The following PIAS1 variants were observed in gnomAD, a reference collection of about 807,000 sequenced individuals.
PIAS1 encodes the protein protein inhibitor of activated STAT 1.
PIAS1 carries 6 observed loss-of-function variants against 71.3 expected under a neutral mutation model. That is an observed-to-expected ratio of 0.08 (90% CI 0.05 to 0.17). PIAS1 has a LOEUF of 0.17. Among genes scored for constraint, PIAS1 ranks in the 10% least tolerant of loss-of-function variants. PIAS1 has a pLI of 1.00. For synonymous variants in PIAS1, 303 were observed against 292.9 expected (o/e 1.03, Z -0.35); for missense variants, 555 against 793.6 (o/e 0.70, Z 3.61).
chr15:68,132,872 A>C (rs1440894831), intron 2 of PIAS1, among the ~76,000 whole-genome samples: 1 of 152,176 alleles, frequency 6.6e-6, no homozygotes, highest in Non-Finnish European at 1.5e-5. Flanking sequence ...AAACGTAAAA[A>C]TTAACTAGAA....
chr15:68,067,590 A>C (rs146170204), intron 1 of PIAS1, among the ~76,000 whole-genome samples: 3 of 152,122 alleles, frequency 2.0e-5, no homozygotes, highest in Non-Finnish European at 4.4e-5. Context: ...TGAAGCTTAT[A>C]ATACAAACTA....
At chr15:68,060,213 CAT>C (rs2091942765) in intron 1 of PIAS1, among the ~76,000 whole-genome samples, 1 of 152,064 alleles carries the variant, frequency 6.6e-6, no homozygotes, top group Admixed American at 6.5e-5. Context: ...ACAGTGACCA[CAT>C]ATTGCAAGTT....
At position 68,171,258 on chromosome 15, in the gene PIAS1, GGAGCT is replaced by G. The variant is rs1195160210; in HGVS notation, c.1009-2472_1009-2468del. Among the ~76,000 whole-genome samples the G allele has an allele frequency of 1.3e-5, 2 of 152,100 alleles. No individual in the cohort carries two copies. Among genetic ancestry groups the G allele is most frequent in the Non-Finnish European group, 2.9e-5 (2 of 68,020 alleles). On this transcript the variant is annotated intron_variant, in intron 8 of 13. Coordinates refer to ENST00000249636, the MANE Select transcript of PIAS1 (RefSeq NM_016166.3). The surrounding 1 kb of genome is among the most constrained non-coding windows in gnomAD (Gnocchi z 4.4). ...CGTCTTCAGTGGCAGTAACAGACAT[GGAGCT>G]GTTCTCTCTTATGGTAACAGTGCCT...
At chr15:68,137,362 A>G (rs993969058) in intron 2 of PIAS1, among the ~76,000 whole-genome samples, 2 of 152,230 alleles carry the variant, frequency 1.3e-5, no homozygotes, top group Admixed American at 6.5e-5. Context: ...AGAGACTGCA[A>G]TTGAAAATGT....
chr15:68,113,546 A>C (rs755232967), intron 2 of PIAS1, among the ~76,000 whole-genome samples: 1 of 152,170 alleles, frequency 6.6e-6, no homozygotes, highest in Admixed American at 6.6e-5. Flanking sequence ...TAGATGAGCC[A>C]GATAAAGTGT....
chr15:68,168,995 G>A (rs1312828987), intron 8 of PIAS1, among the ~76,000 whole-genome samples: 1 of 152,164 alleles, frequency 6.6e-6, no homozygotes, highest in East Asian at 1.9e-4. Context: ...AAATTTCATG[G>A]CCTGTAGCTT....
chr15:68,078,152 G>A (rs569028907), intron 1 of PIAS1, among the ~76,000 whole-genome samples: 21 of 152,220 alleles, frequency 1.4e-4, no homozygotes, highest in African/African-American at 5.1e-4. Flanking sequence ...GCCCTACTTA[G>A]TATTTTTAAA....
intron 11 of PIAS1, 147 bp downstream of exon 11, chr15:68,176,801 A>G: frequency 1.6e-6 from 1 of 636,316 alleles, no homozygotes; most frequent in Non-Finnish European, 2.6e-6. Context: ...CAGGTTTGTA[A>G]TACTCTGGAG....
intron 2 of PIAS1, among the ~76,000 whole-genome samples, chr15:68,088,178 A>ATG (rs1007626380): frequency 2.7e-4 from 23 of 85,794 alleles, no homozygotes; most frequent in African/African-American, 1.0e-3. Flanking sequence ...ATGTGTGTGT[A>ATG]TATATATATA....
At chr15:68,072,140 T>C (rs1228855363) in intron 1 of PIAS1, among the ~76,000 whole-genome samples, 1 of 151,662 alleles carries the variant, frequency 6.6e-6, no homozygotes, top group Non-Finnish European at 1.5e-5. Flanking sequence ...GGTTCATGCC[T>C]GTAATCCCAG....
At chr15:68,144,385 C>G (rs2092793506) in intron 4 of PIAS1, among the ~76,000 whole-genome samples, 1 of 152,084 alleles carries the variant, frequency 6.6e-6, no homozygotes, top group East Asian at 1.9e-4. Context: ...TTGTGCCTCC[C>G]TGCTCCACTC....
intron 1 of PIAS1, among the ~76,000 whole-genome samples, chr15:68,056,621 CTG>C (rs1361099482): frequency 1.3e-5 from 2 of 151,600 alleles, no homozygotes; most frequent in African/African-American, 4.9e-5. Flanking sequence ...CTTTGAGGAG[CTG>C]TGTGATAAAT....
chr15:68,089,921 C>G (rs912576211), intron 2 of PIAS1, among the ~76,000 whole-genome samples: 6 of 151,638 alleles, frequency 4.0e-5, no homozygotes, highest in Non-Finnish European at 2.9e-5. Context: ...GCTCTGTTGC[C>G]CAGGCTGGAG....
At chr15:68,060,844 C>A (rs541331214) in intron 1 of PIAS1, among the ~76,000 whole-genome samples, 73 of 152,278 alleles carry the variant, frequency 4.8e-4, no homozygotes, top group African/African-American at 1.7e-3. Context: ...CCACTGCGCC[C>A]AGCTAATTTT....
chr15:68,148,639 G>A (rs2092824675), intron 6 of PIAS1, among the ~76,000 whole-genome samples: 1 of 152,148 alleles, frequency 6.6e-6, no homozygotes, highest in South Asian at 2.1e-4. Flanking sequence ...ATCTTGGCCA[G>A]GCTGGTCTTG....
At chr15:68,091,901 AT>A (rs976921026) in intron 2 of PIAS1, among the ~76,000 whole-genome samples, 1 of 152,152 alleles carries the variant, frequency 6.6e-6, no homozygotes, top group African/African-American at 2.4e-5. Flanking sequence ...ACTCGAAGTA[AT>A]TTCTACTGAA....
rs1034955144 is a variant in PIAS1, at chr15:68,192,212, G to GC, written c.*4379dup. The GC allele has an allele frequency of 1.3e-5, 2 of 151,872 alleles. No homozygotes were observed. Among genetic ancestry groups the GC allele is most frequent in the Non-Finnish European group, 2.9e-5 (2 of 67,996 alleles). The allele number at this position is 151,872 out of a possible 1,614,324, so 9.4% of individuals were successfully genotyped here. A position where few individuals can be genotyped will look rare whatever the true frequency, so the allele number is the denominator to read the frequency against. ...TGACTGGAGCTCAAAAGAACTGTGG[G>GC]CCTAGGACCTTTGAGCTTTGCCTGA... On this transcript the variant is annotated 3_prime_UTR_variant, in exon 14 of 14. Coordinates refer to ENST00000249636, the MANE Select transcript of PIAS1 (RefSeq NM_016166.3).
chr15:68,173,692 T>C lies in PIAS1; in HGVS notation c.1009-40T>C. ...TTTTTGTCAAAGCTTAAATGTTGAA[T>C]AGCAATTATCTAATATTTACTTTTT... On this transcript the variant is annotated intron_variant, in intron 8 of 13. Transcript: ENST00000249636. The surrounding 1 kb of genome is among the most constrained non-coding windows in gnomAD (Gnocchi z 4.3). The C allele has an allele frequency of 7.0e-7, 1 of 1,423,418 alleles. No homozygotes were observed. Among genetic ancestry groups the C allele is most frequent in the South Asian group, 1.6e-5 (1 of 61,714 alleles). The allele number at this position is 1,423,418 out of a possible 1,614,324, so 88.2% of individuals were successfully genotyped here. A position where few individuals can be genotyped will look rare whatever the true frequency, so the allele number is the denominator to read the frequency against.
intron 2 of PIAS1, among the ~76,000 whole-genome samples, chr15:68,087,298 T>C (rs567801216): frequency 1.3e-5 from 2 of 152,292 alleles, no homozygotes; most frequent in East Asian, 3.9e-4. Flanking sequence ...TTATATAATA[T>C]AAGTGCTTGA....
Sources: gnomAD v4.1 joint callset for allele counts (sites outside exome capture counted in the v4.1 genomes callset) on GRCh38, gnomAD v4.1.1 for gene constraint, Gnocchi (gnomAD v3.1) non-coding constraint, MANE v1.5 for transcripts, NCBI Gene and HGNC (gene_info 2026-07-23, HGNC 2026-07-21) for gene names.